Variants in ADARB2 observed in about 807,000 individuals in gnomAD.
The protein encoded by ADARB2 is adenosine deaminase RNA specific B2 (inactive).
Under a neutral mutation model 62.2 loss-of-function variants are expected in ADARB2, and 25 were observed. That is an observed-to-expected ratio of 0.40 (90% CI 0.29 to 0.56). The LOEUF (loss-of-function observed/expected upper bound fraction) is 0.56, where lower values mean the gene tolerates loss of function less well. Ranked by LOEUF, ADARB2 falls within the 20% of genes least tolerant of loss-of-function variation. The probability of loss-of-function intolerance (pLI) is 0.43; values close to 1 mark genes in which losing one functional copy is unlikely to be tolerated. For missense variants in ADARB2, 1,071 were observed against 1,077.4 expected (o/e 0.99, Z 0.08); for synonymous variants, 572 against 500.8 (o/e 1.14, Z -1.90).
intron 6 of ADARB2, among the ~76,000 whole-genome samples, chr10:1,221,280 A>C (rs1470677450): frequency 6.6e-6 from 1 of 152,192 alleles, no homozygotes; most frequent in South Asian, 2.1e-4. Flanking sequence ...TCCAATTCTG[A>C]CAGTCCAAGT....
intron 2 of ADARB2, among the ~76,000 whole-genome samples, chr10:1,366,762 G>A (rs1358918342): frequency 6.6e-6 from 1 of 152,352 alleles, no homozygotes; most frequent in East Asian, 1.9e-4. Context: ...GGAAGATGAA[G>A]CTGAGCCCAC....
intron 3 of ADARB2, among the ~76,000 whole-genome samples, chr10:1,274,931 G>A (rs576813703): frequency 6.6e-6 from 1 of 152,296 alleles, no homozygotes; most frequent in South Asian, 2.1e-4. Context: ...GAGCAGCTGC[G>A]GCCGGGACAC....
intron 3 of ADARB2, among the ~76,000 whole-genome samples, chr10:1,345,904 C>A (rs566540212): frequency 6.6e-6 from 1 of 152,336 alleles, no homozygotes; most frequent in African/African-American, 2.4e-5. Context: ...CCAAACCCTG[C>A]AACCTGAGAG....
At chr10:1,580,490 A>T (rs1246040541) in intron 1 of ADARB2, among the ~76,000 whole-genome samples, 1 of 143,080 alleles carries the variant, frequency 7.0e-6, no homozygotes, top group Non-Finnish European at 1.5e-5. Flanking sequence ...AGATGAGAAA[A>T]TTTGTCTTAA....
At chr10:1,357,083 G>T (rs1054659391) in intron 3 of ADARB2, among the ~76,000 whole-genome samples, 2 of 152,172 alleles carry the variant, frequency 1.3e-5, no homozygotes, top group Non-Finnish European at 2.9e-5. Context: ...GTCTGCACAG[G>T]GGGTTAAAAG....
rs1424935531 is a variant in ADARB2, at chr10:1,238,630, C to T, written c.1361+3501G>A. Among the ~76,000 whole-genome samples, 13 of 1,740 alleles carry T rather than the reference C, an allele frequency of 7.5e-3. 1 individual carries two copies. Among genetic ancestry groups the T allele is most frequent in the Non-Finnish European group, 8.3e-3 (10 of 1,206 alleles). The allele number at this position is 1,740 out of a possible 152,430, so 1.1% of individuals were successfully genotyped here. A position where few individuals can be genotyped will look rare whatever the true frequency, so the allele number is the denominator to read the frequency against. ...TTACTCCCCTCTGCCTCCCGGTGTT[C>T]ACTCCCCTCTGTCTCCCGGTGTTTA... On this transcript the variant is annotated intron_variant, in intron 5 of 9. Transcript: ENST00000381312.
intron 1 of ADARB2, among the ~76,000 whole-genome samples, chr10:1,603,862 G>A (rs1324391840): frequency 1.3e-5 from 2 of 151,968 alleles, no homozygotes; most frequent in Non-Finnish European, 2.9e-5. Flanking sequence ...TAATGCAGTG[G>A]TGTGATCTCA....
chr10:1,314,618 C>T (rs895853345), intron 3 of ADARB2, among the ~76,000 whole-genome samples: 16 of 152,302 alleles, frequency 1.1e-4, no homozygotes, highest in Admixed American at 9.1e-4. Flanking sequence ...CTTAGGGTTT[C>T]GCAGGAGGGT....
chr10:1,607,516 A>G (rs1311267433), intron 1 of ADARB2, among the ~76,000 whole-genome samples: 4 of 152,054 alleles, frequency 2.6e-5, no homozygotes, highest in Admixed American at 6.5e-5. Context: ...TTGAGAAATG[A>G]TGATGACCAC....
At chr10:1,482,120 A>G (rs1025853951) in intron 1 of ADARB2, among the ~76,000 whole-genome samples, 1 of 152,234 alleles carries the variant, frequency 6.6e-6, no homozygotes. Context: ...ATGTGGAGAA[A>G]CTGAAACTTG....
intron 7 of ADARB2, among the ~76,000 whole-genome samples, chr10:1,206,203 G>T (rs771083937): frequency 8.5e-5 from 13 of 152,188 alleles, no homozygotes; most frequent in Non-Finnish European, 1.6e-4. Context: ...AAATTCCTTC[G>T]CACGAGAGTG....
chr10:1,338,897 T>G (rs1009270589), intron 3 of ADARB2, among the ~76,000 whole-genome samples: 1 of 152,032 alleles, frequency 6.6e-6, no homozygotes, highest in Non-Finnish European at 1.5e-5. Flanking sequence ...ACCCCAACAT[T>G]TGTCTCATTC....
chr10:1,409,169 G>A (rs1437379717), intron 1 of ADARB2, among the ~76,000 whole-genome samples: 1 of 148,388 alleles, frequency 6.7e-6, no homozygotes, highest in African/African-American at 2.5e-5. Flanking sequence ...GCCCGGGGCA[G>A]GTATCTCTGC....
At chr10:1,283,076 A>G (rs1831383853) in intron 3 of ADARB2, among the ~76,000 whole-genome samples, 2 of 152,196 alleles carry the variant, frequency 1.3e-5, no homozygotes, top group African/African-American at 4.8e-5. Context: ...GTGTTTCTCT[A>G]TGGAGGTCAA....
Position 1,398,824 on chromosome 10 carries a change from C to G in ADARB2, c.101-19664G>C, listed in dbSNP as rs963469975. Among the ~76,000 whole-genome samples, 1 of 152,094 alleles carries G rather than the reference C, an allele frequency of 6.6e-6. No individual in the cohort carries two copies. The highest frequency in any genetic ancestry group is 1.5e-5 in the Non-Finnish European group (1 of 68,020). ...CACATTTGGGAAGAAGAGATTTTCT[C>G]CCTCCGCAGCAGCAGCGCAGCCTGC... On this transcript the variant is annotated intron_variant, in intron 1 of 9. Coordinates refer to ENST00000381312, the MANE Select transcript of ADARB2 (RefSeq NM_018702.4). The surrounding 1 kb of genome is among the most constrained non-coding windows in gnomAD (Gnocchi z 4.1).
intron 1 of ADARB2, among the ~76,000 whole-genome samples, chr10:1,535,300 T>C (rs1204558006): frequency 2.0e-5 from 3 of 151,990 alleles, no homozygotes; most frequent in Non-Finnish European, 1.5e-5. Context: ...GCTAACAAAA[T>C]CTTCAGACGA....
chr10:1,305,281 C>G (rs1465533108), intron 3 of ADARB2, among the ~76,000 whole-genome samples: 2 of 149,688 alleles, frequency 1.3e-5, no homozygotes, highest in South Asian at 4.3e-4. Context: ...CACCTCTACG[C>G]AAATAAACTA....
intron 1 of ADARB2, among the ~76,000 whole-genome samples, chr10:1,459,450 A>T (rs996673257): frequency 1.3e-5 from 2 of 152,234 alleles, no homozygotes; most frequent in African/African-American, 4.8e-5. Context: ...TCATGTTCTC[A>T]CAAGTGAGAG....
At chr10:1,735,687 A>G (rs978589867) in intron 1 of ADARB2, among the ~76,000 whole-genome samples, 2 of 152,228 alleles carry the variant, frequency 1.3e-5, no homozygotes, top group Non-Finnish European at 2.9e-5. Flanking sequence ...GCAAGCGCAC[A>G]CTTAGCAGCT....
Sources: allele counts gnomAD v4.1 joint callset (sites outside exome capture counted in the v4.1 genomes callset), GRCh38; gene constraint gnomAD v4.1.1; non-coding constraint Gnocchi (gnomAD v3.1); transcripts MANE v1.5; gene names NCBI Gene and HGNC (gene_info 2026-07-23, HGNC 2026-07-21).